GRK5: variants seen among roughly 807,000 people sequenced by gnomAD.
GRK5 encodes the protein g protein-coupled receptor kinase GRK5.
GRK5 carries 40 observed loss-of-function variants against 78.4 expected under a neutral mutation model. The observed-to-expected ratio is 0.51, with a 90% confidence interval of 0.40 to 0.66. GRK5 has a LOEUF of 0.66. Among genes scored for constraint, GRK5 ranks in the 30% least tolerant of loss-of-function variants. The pLI, the probability that GRK5 is intolerant of heterozygous loss-of-function variation, is 0.00. For missense variants in GRK5, 598 were observed against 759.9 expected, an observed-to-expected ratio of 0.79 and a Z score of 2.50; for synonymous variants, 289 against 296.8, an observed-to-expected ratio of 0.97 and a Z score of 0.27.
chr10:119,352,071 T>C (rs956198705), intron 2 of GRK5, among the ~76,000 whole-genome samples: 5 of 152,122 alleles, frequency 3.3e-5, no homozygotes, highest in African/African-American at 1.2e-4. Flanking sequence ...GAAGTTTGGG[T>C]GGTAAGGTAG....
At chr10:119,252,132 C>T (rs770420089) in intron 1 of GRK5, among the ~76,000 whole-genome samples, 16 of 152,166 alleles carry the variant, frequency 1.1e-4, no homozygotes, top group African/African-American at 2.9e-4. Context: ...GTGCTCGTGC[C>T]GATAGGGGCA....
chr10:119,450,515 C>T (rs1437945489), intron 13 of GRK5, among the ~76,000 whole-genome samples: 1 of 152,216 alleles, frequency 6.6e-6, no homozygotes, highest in African/African-American at 2.4e-5. Context: ...GGCCTCCGTG[C>T]GTGCACCCAG....
At chr10:119,329,857 C>CTTTTTTTT (rs1177940254) in intron 2 of GRK5, among the ~76,000 whole-genome samples, 2 of 110,366 alleles carry the variant, frequency 1.8e-5, no homozygotes, top group Non-Finnish European at 3.5e-5. Context: ...CAGACACCTA[C>CTTTTTTTT]TTTTTTTTTT....
Position 119,217,193 on chromosome 10 carries a change from A to G in GRK5, c.52+9224A>G, listed in dbSNP as rs1287693434. Among the ~76,000 whole-genome samples the G allele has an allele frequency of 6.6e-6, 1 of 152,038 alleles. No individual in the cohort carries two copies. The highest frequency in any genetic ancestry group is 1.5e-5 in the Non-Finnish European group (1 of 67,992). ...GGAAGAGAAAGAGTGTCTTTGTCAG[A>G]TTCCCTGGGAAAAGGGGCAAATTGG... On this transcript the variant is annotated intron_variant, in intron 1 of 15. Transcript: ENST00000392870. This position sits in a 1 kb window ranked among gnomAD's most constrained non-coding sequence, Gnocchi z 4.1.
In GRK5 at chr10:119,439,689, C is replaced by A. The variant is rs760606205; in HGVS notation, c.930-42C>A. ...CCAGATGCCAGTGTATCCTACCTGCCCAGAATGCCCACACTCTGATGCTTG... is the reference window on the plus strand; with the variant it reads ...CCAGATGCCAGTGTATCCTACCTGCACAGAATGCCCACACTCTGATGCTTG... On this transcript the variant is annotated intron_variant, in intron 9 of 15. Coordinates refer to ENST00000392870, the MANE Select transcript of GRK5 (RefSeq NM_005308.3). 25 of 1,606,226 alleles carry A rather than the reference C, an allele frequency of 1.6e-5. 1 individual carries two copies. The South Asian group carries it at 2.5e-4, about 16-fold the overall frequency.
intron 1 of GRK5, among the ~76,000 whole-genome samples, chr10:119,212,612 G>C (rs779678665): frequency 1.3e-5 from 2 of 152,132 alleles, no homozygotes; most frequent in Non-Finnish European, 2.9e-5. Flanking sequence ...AATATTCAAA[G>C]TTAATATTTG....
chr10:119,319,194 C>CGCTGGCA (rs1344788916), intron 1 of GRK5, among the ~76,000 whole-genome samples: 4 of 152,136 alleles, frequency 2.6e-5, no homozygotes, highest in Non-Finnish European at 5.9e-5. Context: ...TGGAGGACAT[C>CGCTGGCA]GCTGGCAGCT....
chr10:119,382,498 C>T (rs1258177731), intron 3 of GRK5, among the ~76,000 whole-genome samples: 1 of 152,156 alleles, frequency 6.6e-6, no homozygotes, highest in Non-Finnish European at 1.5e-5. Flanking sequence ...CTTCACCCCA[C>T]CTTTATGAAC....
At chr10:119,410,404 T>C (rs1256307661) in intron 4 of GRK5, among the ~76,000 whole-genome samples, 1 of 152,202 alleles carries the variant, frequency 6.6e-6, no homozygotes, top group South Asian at 2.1e-4. Flanking sequence ...TCAGGGTCTT[T>C]CAAACCCAGT....
chr10:119,230,746 G>A (rs182871780), intron 1 of GRK5, among the ~76,000 whole-genome samples: 14 of 149,596 alleles, frequency 9.4e-5, no homozygotes, highest in East Asian at 3.9e-4. Context: ...GGACTGAAGC[G>A]GATCACTTGA....
chr10:119,288,842 C>T (rs903385252), intron 1 of GRK5, among the ~76,000 whole-genome samples: 16 of 152,300 alleles, frequency 1.1e-4, no homozygotes, highest in South Asian at 6.2e-4. Context: ...CATCCAGAGG[C>T]GAATGCGGAA....
chr10:119,387,987 A>G (rs1851828489), intron 3 of GRK5, among the ~76,000 whole-genome samples: 2 of 151,708 alleles, frequency 1.3e-5, no homozygotes, highest in African/African-American at 4.8e-5. Context: ...ATCTCACTCT[A>G]TTGCCCAGGC....
intron 2 of GRK5, among the ~76,000 whole-genome samples, chr10:119,355,752 C>T (rs1401281716): frequency 6.6e-6 from 1 of 151,982 alleles, no homozygotes; most frequent in Admixed American, 6.6e-5. Flanking sequence ...TGCACTCCAA[C>T]AGCTTGGGTG....
intron 2 of GRK5, among the ~76,000 whole-genome samples, chr10:119,354,897 G>A (rs1348144394): frequency 6.6e-6 from 1 of 152,162 alleles, no homozygotes; most frequent in African/African-American, 2.4e-5. Flanking sequence ...CCAACTATGG[G>A]AGTTGAGAAT....
rs184157473 is a variant in GRK5 at position 119,444,731 on chromosome 10, T to C, written c.1266+979T>C. On this transcript the variant is annotated intron_variant, in intron 12 of 15. Coordinates refer to ENST00000392870, the MANE Select transcript of GRK5 (RefSeq NM_005308.3). ...CCACAGATGTACCCCGTATCCCATG[T>C]ACCCGGAGCCACAGATGGGCAAACC... is the stretch of plus-strand genomic sequence containing the variant. Among the ~76,000 whole-genome samples, 638 of 152,298 alleles carry C rather than the reference T, an allele frequency of 4.2e-3. 5 individuals carry two copies. The highest frequency in any genetic ancestry group is 0.014 in the African/African-American group (601 of 41,570).
intron 13 of GRK5, among the ~76,000 whole-genome samples, chr10:119,450,134 A>G (rs1311762897): frequency 6.6e-6 from 1 of 152,202 alleles, no homozygotes; most frequent in Non-Finnish European, 1.5e-5. Flanking sequence ...AGGAAACCAC[A>G]TAGTGTTGAG....
intron 1 of GRK5, among the ~76,000 whole-genome samples, chr10:119,312,673 T>A (rs1850379811): frequency 6.6e-6 from 1 of 152,132 alleles, no homozygotes; most frequent in African/African-American, 2.4e-5. Context: ...AGGGAGGCAG[T>A]AGGGGCCGAA....
chr10:119,259,112 C>T (rs1311792995), intron 1 of GRK5, among the ~76,000 whole-genome samples: 1 of 150,564 alleles, frequency 6.6e-6, no homozygotes, highest in Non-Finnish European at 1.5e-5. Context: ...TCGCCCAGGC[C>T]GGACTGCAGT....
At chr10:119,352,263 GGCAGATAGA>G (rs1394860526) in intron 2 of GRK5, among the ~76,000 whole-genome samples, 1 of 152,174 alleles carries the variant, frequency 6.6e-6, no homozygotes, top group Non-Finnish European at 1.5e-5. Flanking sequence ...GATCCAAGAT[GGCAGATAGA>G]GCTCCAGCCA....
Sources: gnomAD v4.1 joint callset for allele counts (sites outside exome capture counted in the v4.1 genomes callset) on GRCh38, gnomAD v4.1.1 for gene constraint, Gnocchi (gnomAD v3.1) non-coding constraint, MANE v1.5 for transcripts, NCBI Gene and HGNC (gene_info 2026-07-23, HGNC 2026-07-21) for gene names.